Variants in GPM6A observed in about 807,000 individuals in gnomAD.
GPM6A encodes glycoprotein M6A.
GPM6A carries 7 observed loss-of-function variants against 32.1 expected under a neutral mutation model. That is an observed-to-expected ratio of 0.22 (90% confidence interval 0.12 to 0.41). GPM6A has a LOEUF of 0.41. Among genes scored for constraint, GPM6A ranks in the 10% least tolerant of loss-of-function variants. The probability of loss-of-function intolerance (pLI) is 1.00; values close to 1 mark genes in which losing one functional copy is unlikely to be tolerated. For synonymous variants in GPM6A, 130 were observed against 123.4 expected, an observed-to-expected ratio of 1.05 and a Z score of -0.35; for missense variants, 235 against 347.2, an observed-to-expected ratio of 0.68 and a Z score of 2.57.
chr4:175,977,318 T>C (rs759410922), intron 1 of GPM6A, among the ~76,000 whole-genome samples: 4 of 152,204 alleles, frequency 2.6e-5, no homozygotes, highest in African/African-American at 4.8e-5. Flanking sequence ...ACGCCCAAAG[T>C]TTAGCTGTAT....
intron 1 of GPM6A, among the ~76,000 whole-genome samples, chr4:175,968,360 G>C (rs1740395196): frequency 1.3e-5 from 2 of 152,090 alleles, no homozygotes; most frequent in Admixed American, 6.5e-5. Context: ...AGTGATTTTA[G>C]GTTTAGTGAT....
chr4:175,663,574 G>A (rs1220340462), intron 3 of GPM6A, among the ~76,000 whole-genome samples: 1 of 152,090 alleles, frequency 6.6e-6, no homozygotes, highest in South Asian at 2.1e-4. Context: ...TTATCAATTA[G>A]CTTGATTTAG....
At chr4:175,903,321 A>C (rs958580256) in intron 1 of GPM6A, among the ~76,000 whole-genome samples, 2 of 152,196 alleles carry the variant, frequency 1.3e-5, no homozygotes, top group African/African-American at 4.8e-5. Flanking sequence ...TAATAGATAA[A>C]TAAATAGAAA....
intron 1 of GPM6A, chr4:175,891,425 G>A (rs958213533): frequency 6.6e-6 from 1 of 152,060 alleles, no homozygotes; most frequent in Non-Finnish European, 1.5e-5. Context: ...AAACATTTTG[G>A]AGCAAAGTCC....
intron 1 of GPM6A, among the ~76,000 whole-genome samples, chr4:175,750,833 A>T (rs1579458492): frequency 6.6e-6 from 1 of 152,080 alleles, no homozygotes; most frequent in Non-Finnish European, 1.5e-5. Flanking sequence ...TCAGCCTCCC[A>T]AAGTGCTGGG....
intron 1 of GPM6A, among the ~76,000 whole-genome samples, chr4:175,767,303 A>C (rs2111224103): frequency 6.6e-6 from 1 of 152,290 alleles, no homozygotes; most frequent in East Asian, 1.9e-4. Flanking sequence ...TTTTTGGCAG[A>C]GTAGAGCTAC....
intron 1 of GPM6A, among the ~76,000 whole-genome samples, chr4:175,788,404 C>T (rs1368221138): frequency 1.3e-5 from 2 of 152,086 alleles, no homozygotes; most frequent in African/African-American, 4.8e-5. Flanking sequence ...TTTAAATTGG[C>T]AAGGTATATT....
chr4:175,897,489 T>G (rs73011943), intron 1 of GPM6A, among the ~76,000 whole-genome samples: 5,229 of 152,204 alleles, frequency 0.034, 268 homozygotes, highest in African/African-American at 0.12. Flanking sequence ...GGACCTTCCT[T>G]CATGCAGTCC....
chr4:175,998,004 T>A (rs1175275108), intron 1 of GPM6A, among the ~76,000 whole-genome samples: 1 of 152,192 alleles, frequency 6.6e-6, no homozygotes, highest in Non-Finnish European at 1.5e-5. Context: ...TTCAAATAGA[T>A]AATTCATTTC....
intron 1 of GPM6A, among the ~76,000 whole-genome samples, chr4:175,720,014 C>G (rs750445201): frequency 9.2e-5 from 14 of 152,174 alleles, no homozygotes; most frequent in Non-Finnish European, 1.8e-4. Flanking sequence ...TACAATCTGC[C>G]TGAGCACCCT....
intron 1 of GPM6A, among the ~76,000 whole-genome samples, chr4:175,836,077 A>G (rs1735759927): frequency 6.6e-6 from 1 of 152,208 alleles, no homozygotes; most frequent in South Asian, 2.1e-4. Flanking sequence ...TCCCAGGAAC[A>G]GCTCCACATT....
intron 2 of GPM6A, among the ~76,000 whole-genome samples, chr4:175,688,769 C>T (rs1029897028): frequency 1.3e-5 from 2 of 152,124 alleles, no homozygotes; most frequent in East Asian, 1.9e-4. Context: ...CCCACAAATA[C>T]GTGTAATTAT....
chr4:175,953,508 A>C (rs1239465498), intron 1 of GPM6A, among the ~76,000 whole-genome samples: 1 of 152,218 alleles, frequency 6.6e-6, no homozygotes, highest in African/African-American at 2.4e-5. Flanking sequence ...TTTGCATGTC[A>C]TTATTTTTAG....
At chr4:175,842,041 T>G (rs568073561) in intron 1 of GPM6A, among the ~76,000 whole-genome samples, 1 of 152,178 alleles carries the variant, frequency 6.6e-6, no homozygotes, top group Non-Finnish European at 1.5e-5. Context: ...TGATGTGAGA[T>G]AGATTTACAT....
intron 1 of GPM6A, among the ~76,000 whole-genome samples, chr4:175,763,874 T>G (rs1732853981): frequency 1.3e-5 from 2 of 152,208 alleles, no homozygotes; most frequent in Non-Finnish European, 2.9e-5. Flanking sequence ...AACATCTTTG[T>G]GAAGTTCTGC....
intron 1 of GPM6A, among the ~76,000 whole-genome samples, chr4:175,747,035 G>A (rs1732131864): frequency 6.6e-6 from 1 of 152,128 alleles, no homozygotes; most frequent in Non-Finnish European, 1.5e-5. Context: ...ACTTTAGGAG[G>A]CTGAGGTGGG....
At chr4:175,817,844 G>A (rs1009497018) in intron 1 of GPM6A, among the ~76,000 whole-genome samples, 1 of 152,112 alleles carries the variant, frequency 6.6e-6, no homozygotes, top group African/African-American at 2.4e-5. Flanking sequence ...GTCTCGTGCT[G>A]GAATATCCAA....
chr4:175,684,879 T>C (rs1398816800), intron 2 of GPM6A, among the ~76,000 whole-genome samples: 1 of 152,014 alleles, frequency 6.6e-6, no homozygotes, highest in African/African-American at 2.4e-5. Flanking sequence ...TTGTTTTGTT[T>C]TGTTTTGTTT....
intron 1 of GPM6A, among the ~76,000 whole-genome samples, chr4:175,937,591 G>C (rs1303180664): frequency 6.6e-6 from 1 of 152,082 alleles, no homozygotes; most frequent in Non-Finnish European, 1.5e-5. Flanking sequence ...TGAATAAATA[G>C]AATGAAACCT....
Sources: gnomAD v4.1 joint callset for allele counts (sites outside exome capture counted in the v4.1 genomes callset) on GRCh38, gnomAD v4.1.1 for gene constraint, MANE v1.5 for transcripts, NCBI Gene and HGNC (gene_info 2026-07-23, HGNC 2026-07-21) for gene names.